The following TTC29 variants were observed in gnomAD, a reference collection of about 807,000 sequenced individuals.
TTC29 encodes tetratricopeptide repeat domain 29, also known as tetratricopeptide repeat protein 29.
A neutral mutation model predicts 58.1 loss-of-function variants in TTC29; 49 were observed. The observed-to-expected ratio is 0.84, with a 90% CI of 0.67 to 1.07. TTC29 has a LOEUF of 1.07. Among genes scored for constraint, TTC29 ranks in the 50% least tolerant of loss-of-function variants. The pLI is 0.00. For missense variants in TTC29, 582 were observed against 555.6 expected (o/e 1.05, Z -0.48); for synonymous variants, 209 against 196.8 (o/e 1.06, Z -0.52).
intron 11 of TTC29, among the ~76,000 whole-genome samples, chr4:146,754,028 T>C (rs927555195): frequency 4.5e-4 from 69 of 151,902 alleles, no homozygotes; most frequent in African/African-American, 1.5e-3. Flanking sequence ...ATGTTGTGCA[T>C]ATGTACCCTA....
chr4:146,809,439 A>G (rs951274260), intron 10 of TTC29, among the ~76,000 whole-genome samples: 2 of 150,162 alleles, frequency 1.3e-5, no homozygotes, highest in African/African-American at 4.9e-5. Flanking sequence ...CTATCATCAG[A>G]GTGAACAGAC....
intron 11 of TTC29, among the ~76,000 whole-genome samples, chr4:146,788,132 A>C (rs1258962367): frequency 1.3e-5 from 2 of 152,184 alleles, no homozygotes; most frequent in Non-Finnish European, 2.9e-5. Flanking sequence ...ACAGCCTTTC[A>C]CCACATAGCA....
At chr4:146,761,301 C>CG (rs1014650838) in intron 11 of TTC29, among the ~76,000 whole-genome samples, 12 of 151,962 alleles carry the variant, frequency 7.9e-5, no homozygotes, top group African/African-American at 2.7e-4. Flanking sequence ...TAGGCAGCTA[C>CG]GTAGGTCTTT....
At chr4:146,797,614 T>C (rs1473708053) in intron 11 of TTC29, among the ~76,000 whole-genome samples, 1 of 151,878 alleles carries the variant, frequency 6.6e-6, no homozygotes, top group Admixed American at 6.6e-5. Context: ...TTTTTTTTGT[T>C]TGTCCTGTCT....
chr4:146,760,947 T>C (rs7673509), intron 11 of TTC29, among the ~76,000 whole-genome samples: 48,446 of 150,438 alleles, frequency 0.32, 8,241 homozygotes, highest in East Asian at 0.45. Context: ...CTGGATGAGA[T>C]TGGAGACTAT....
intron 8 of TTC29, 136 bp from the exon 9 acceptor site, chr4:146,834,033 GT>G (rs1728348431): frequency 3.6e-6 from 2 of 548,160 alleles, no homozygotes; most frequent in Non-Finnish European, 6.2e-6. Context: ...AAAAATTCAT[GT>G]TGGTTTGGTT....
chr4:146,861,255 T>C (rs1239028405), intron 8 of TTC29, among the ~76,000 whole-genome samples: 1 of 152,214 alleles, frequency 6.6e-6, no homozygotes, highest in Non-Finnish European at 1.5e-5. Flanking sequence ...TTAGATGTGA[T>C]TCTTGGTAAA....
chr4:146,867,222 G>A (rs921460104), intron 8 of TTC29, among the ~76,000 whole-genome samples: 1 of 151,880 alleles, frequency 6.6e-6, no homozygotes, highest in African/African-American at 2.4e-5. Flanking sequence ...TGTTGATATG[G>A]GCATATGGAG....
chr4:146,874,576 TG>T, intron 7 of TTC29, 139 bp downstream of exon 7: 1 of 714,708 alleles, frequency 1.4e-6, no homozygotes, highest in Non-Finnish European at 2.3e-6. Context: ...CAGTGAAATT[TG>T]AAAGTAAATT....
At chr4:146,788,449 C>T (rs923868875) in intron 11 of TTC29, among the ~76,000 whole-genome samples, 2 of 152,116 alleles carry the variant, frequency 1.3e-5, no homozygotes, top group African/African-American at 4.8e-5. Context: ...CCCCATTTTT[C>T]ACAAACATCA....
chr4:146,856,187 T>C (rs1471416329), intron 8 of TTC29, among the ~76,000 whole-genome samples: 1 of 152,234 alleles, frequency 6.6e-6, no homozygotes, highest in Non-Finnish European at 1.5e-5. Context: ...AAAAATTTTA[T>C]CCTTTCCTTC....
At chr4:146,745,204 T>A (rs1045283326) in intron 11 of TTC29, among the ~76,000 whole-genome samples, 3 of 151,960 alleles carry the variant, frequency 2.0e-5, no homozygotes, top group African/African-American at 7.3e-5. Flanking sequence ...AAAGTAGGAG[T>A]CGAGCAAGAG....
chr4:146,713,632 T>C (rs1191556972), intron 11 of TTC29, among the ~76,000 whole-genome samples: 1 of 152,130 alleles, frequency 6.6e-6, no homozygotes, highest in Non-Finnish European at 1.5e-5. Flanking sequence ...ACGTGTTCTT[T>C]CATATTACAG....
At chr4:146,810,219 A>G (rs1034140797) in intron 10 of TTC29, among the ~76,000 whole-genome samples, 1 of 152,154 alleles carries the variant, frequency 6.6e-6, no homozygotes, top group African/African-American at 2.4e-5. Flanking sequence ...GCGAGAAGAC[A>G]TGGACACAGG....
chr4:146,905,339 T>TATAA (rs1553937747), intron 5 of TTC29, among the ~76,000 whole-genome samples: 5 of 148,596 alleles, frequency 3.4e-5, no homozygotes, highest in Admixed American at 2.0e-4. Context: ...TATATATATA[T>TATAA]AATTAAAAAT....
chr4:146,751,244 T>C (rs1170487646), intron 11 of TTC29, among the ~76,000 whole-genome samples: 1 of 151,954 alleles, frequency 6.6e-6, no homozygotes, highest in Non-Finnish European at 1.5e-5. Flanking sequence ...AAGAGAAAAA[T>C]AGATAGCAGT....
At chr4:146,719,372 A>G (rs1363919441) in intron 11 of TTC29, among the ~76,000 whole-genome samples, 2 of 152,152 alleles carry the variant, frequency 1.3e-5, no homozygotes, top group Non-Finnish European at 2.9e-5. Context: ...AACTTGCTGA[A>G]TCTCACACAG....
intron 6 of TTC29, among the ~76,000 whole-genome samples, chr4:146,879,942 A>T (rs967888657): frequency 6.6e-6 from 1 of 152,176 alleles, no homozygotes; most frequent in Non-Finnish European, 1.5e-5. Flanking sequence ...TCACCCACAA[A>T]TCTTCATCAT....
intron 4 of TTC29, among the ~76,000 whole-genome samples, chr4:146,923,082 T>G (rs1003030577): frequency 6.6e-6 from 1 of 151,766 alleles, no homozygotes; most frequent in Non-Finnish European, 1.5e-5. Flanking sequence ...AAAAAATTAT[T>G]TAGTCAATTT....
Sources: gnomAD v4.1 joint callset for allele counts (sites outside exome capture counted in the v4.1 genomes callset) on GRCh38, gnomAD v4.1.1 for gene constraint, MANE v1.5 for transcripts, NCBI Gene and HGNC (gene_info 2026-07-23, HGNC 2026-07-21) for gene names.